SLC38A9: variants seen among roughly 807,000 people sequenced by gnomAD.
SLC38A9 encodes the protein solute carrier family 38 member 9.
A neutral mutation model predicts 62.3 loss-of-function variants in SLC38A9; 48 were observed. The observed-to-expected ratio is 0.77, with a 90% CI of 0.61 to 0.98. The LOEUF (loss-of-function observed/expected upper bound fraction) is 0.98. Among genes scored for constraint, SLC38A9 ranks in the 50% least tolerant of loss-of-function variants. The pLI, the probability that SLC38A9 is intolerant of heterozygous loss-of-function variation, is 0.00. For missense variants in SLC38A9, 541 were observed against 679.8 expected, an observed-to-expected ratio of 0.80 and a Z score of 2.27; for synonymous variants, 204 against 227.7, an observed-to-expected ratio of 0.90 and a Z score of 0.94.
intron 11 of SLC38A9, among the ~76,000 whole-genome samples, chr5:55,648,947 A>G (rs1322147874): frequency 6.6e-6 from 1 of 152,240 alleles, no homozygotes; most frequent in Non-Finnish European, 1.5e-5. Context: ...AAGAAAGGCT[A>G]GATGAAAAAC....
chr5:55,697,619 C>G (rs1352553036), intron 3 of SLC38A9, among the ~76,000 whole-genome samples: 2 of 148,776 alleles, frequency 1.3e-5, no homozygotes, highest in Admixed American at 6.7e-5. Context: ...TAAAGTTACC[C>G]CAACCACTCC....
intron 10 of SLC38A9, among the ~76,000 whole-genome samples, chr5:55,651,151 C>T (rs931109390): frequency 8.7e-5 from 13 of 149,820 alleles, no homozygotes; most frequent in African/African-American, 2.4e-4. Context: ...GAAGTGAAAT[C>T]GTATGGTTTA....
intron 3 of SLC38A9, among the ~76,000 whole-genome samples, chr5:55,678,373 G>C (rs550863624): frequency 5.9e-5 from 9 of 152,052 alleles, no homozygotes; most frequent in Non-Finnish European, 1.2e-4. Context: ...CTGACCTCAG[G>C]TGTGCCACCC....
rs752385378 is a variant in SLC38A9 at position 55,635,529 on chromosome 5, T to C, written c.1281+15A>G. The C allele has an allele frequency of 2.6e-6, 4 of 1,547,692 alleles. No individual in the cohort carries two copies. The highest frequency in any genetic ancestry group is 2.2e-5 in the South Asian group (2 of 89,572). On this transcript the variant is annotated intron_variant, in intron 13 of 15. Transcript: ENST00000396865. ...AGTGTACACAATCACACAGAGAGGG[T>C]ACACGGTGCCTTACCTGCTCAATAC... is the stretch of plus-strand genomic sequence containing the variant.
At chr5:55,671,227 T>C (rs548458056) in intron 4 of SLC38A9, among the ~76,000 whole-genome samples, 1 of 152,214 alleles carries the variant, frequency 6.6e-6, no homozygotes, top group East Asian at 1.9e-4. Context: ...AATAGAGATT[T>C]TTAGAAGATC....
chr5:55,669,305 C>G lies in SLC38A9; in HGVS notation c.449G>C (p.Gly150Ala). ...GCCCATCAGTATGATGACACACATT[C>G]CAGTAGTAAATCCAGCCTGTTTAAA... Reference protein sequence around the residue: ...WGIKQAGFTTGMCVIILMGLL... With the variant: ...WGIKQAGFTTAMCVIILMGLL... The change falls in exon 7 of 16, where the codon GGA becomes GCA. Residue 150 changes from glycine to alanine, a missense_variant. By Grantham distance (60) the Gly-to-Ala change is moderately conservative. Coordinates refer to ENST00000396865, the MANE Select transcript of SLC38A9 (RefSeq NM_173514.4). The G allele has an allele frequency of 6.2e-7, 1 of 1,612,440 alleles. No homozygotes were observed. The highest frequency in any genetic ancestry group is 8.5e-7 in the Non-Finnish European group (1 of 1,179,382).
Position 55,633,753 on chromosome 5 carries a change from C to A in SLC38A9, c.1430+1G>T, listed in dbSNP as rs936047846. Reference sequence around the variant, plus strand: ...CTGCTGGTCAAGAGAAGAGCCCTTACCTAGGATAAATGTCACCGAAGATAT... The same window carrying A: ...CTGCTGGTCAAGAGAAGAGCCCTTAACTAGGATAAATGTCACCGAAGATAT... On this transcript the variant is annotated splice_donor_variant, in intron 14 of 15. Transcript: ENST00000396865. LOFTEE classifies it high-confidence loss of function. 2 of 1,614,084 alleles carry A rather than the reference C, an allele frequency of 1.2e-6. No homozygotes were observed. Among genetic ancestry groups the A allele is most frequent in the Non-Finnish European group, 8.5e-7 (1 of 1,180,004 alleles).
intron 10 of SLC38A9, among the ~76,000 whole-genome samples, 166 bp downstream of exon 10, chr5:55,652,357 CAAAAAA>C (rs60557392): frequency 3.6e-5 from 2 of 56,180 alleles, no homozygotes; most frequent in African/African-American, 6.8e-5. Context: ...AACTCCGTCT[CAAAAAA>C]AAAAAAAAAA....
Position 55,664,790 on chromosome 5 carries a change from C to A in SLC38A9, c.600G>T (p.Ser200=), listed in dbSNP as rs1220459145. 5 of 1,596,432 alleles carry A rather than the reference C, an allele frequency of 3.1e-6. No homozygotes were observed. The highest frequency in any genetic ancestry group is 3.4e-6 in the Non-Finnish European group (4 of 1,172,556). The change falls in exon 8 of 16, where the codon TCG becomes TCT. Residue 200 remains serine (S), a synonymous_variant. Transcript: ENST00000396865. ...RHYFGSFGQW[S]SLLFSLVSLI... ...GAGACACCAAGGAGAAAAGGAGACT[C>A]GACCACTGCCCAAAGGAGCCGAAAT...
chr5:55,649,583 A>C (rs1252393717), intron 10 of SLC38A9, among the ~76,000 whole-genome samples: 1 of 152,324 alleles, frequency 6.6e-6, no homozygotes, highest in Non-Finnish European at 1.5e-5. Flanking sequence ...GCACTTTGGG[A>C]GGCTGAGGTG....
At chr5:55,694,694 C>T (rs1755220452) in intron 3 of SLC38A9, among the ~76,000 whole-genome samples, 1 of 150,730 alleles carries the variant, frequency 6.6e-6, no homozygotes, top group African/African-American at 2.4e-5. Flanking sequence ...CTTTTCCCTT[C>T]CCTTCCCTTC....
In SLC38A9 at chr5:55,644,839, G is replaced by A. The variant is rs1746049304; in HGVS notation, c.1167+950C>T. ...CCATTAACTCATCATTTAGCATTAG[G>A]TATATCTCCTAATGCTATCCCTCCC... On this transcript the variant is annotated intron_variant, in intron 12 of 15. Transcript: ENST00000396865. Among the ~76,000 whole-genome samples the A allele has an allele frequency of 2.6e-5, 4 of 151,918 alleles. No homozygotes were observed. The South Asian group carries it at 6.3e-4, about 24-fold the overall frequency.
rs546505749 is a variant in SLC38A9, at chr5:55,626,756, T to C, written c.1521-97A>G. The C allele has an allele frequency of 2.3e-5, 25 of 1,082,704 alleles. No homozygotes were observed. The East Asian group carries it at 4.6e-4, about 20-fold the overall frequency. 67.1% of individuals were successfully genotyped at this position (1,082,704 alleles called of 1,614,324 possible). On this transcript the variant is annotated intron_variant, in intron 15 of 15. Transcript: ENST00000396865. The stretch of plus-strand genomic sequence containing the variant: ...ACAATTTAAATCCTCCTCAGTCTGA[T>C]AGCTCAACAAAAATTATTTTTGATT...
At chr5:55,627,870 C>T (rs1023224995) in intron 15 of SLC38A9, 21 bp downstream of exon 15, 1 of 1,439,704 alleles carries the variant, frequency 6.9e-7, no homozygotes, top group Non-Finnish European at 9.8e-7. Flanking sequence ...GTAAGGGCAC[C>T]ATTCCCTTAC....
At chr5:55,656,608 A>C in intron 9 of SLC38A9, 107 bp downstream of exon 9, 1 of 757,356 alleles carries the variant, frequency 1.3e-6, no homozygotes, top group East Asian at 2.6e-5. Flanking sequence ...TAAACATAAT[A>C]ATTTTCTACT....
chr5:55,627,395 C>T (rs771877019), intron 15 of SLC38A9, among the ~76,000 whole-genome samples: 4 of 138,066 alleles, frequency 2.9e-5, no homozygotes, highest in African/African-American at 7.6e-5. Flanking sequence ...CATCCTGTCA[C>T]GTTTTTAGGA....
At position 55,711,494 on chromosome 5, in the gene SLC38A9, C is replaced by T. The variant is rs1758038660; in HGVS notation, c.-77G>A. On this transcript the variant is annotated 5_prime_UTR_variant, in exon 2 of 16. Transcript: ENST00000396865. ...TCTCCAACTCGGTGGACCTCAGTTT[C>T]CTTCTCTGTAAAATGAGGAGAATGC... The T allele has an allele frequency of 6.6e-6, 1 of 152,120 alleles. No individual in the cohort carries two copies. Among genetic ancestry groups the T allele is most frequent in the African/African-American group, 2.4e-5 (1 of 41,406 alleles). The allele number at this position is 152,120 out of a possible 1,614,324, so 9.4% of individuals were successfully genotyped here. A position where few individuals can be genotyped will look rare whatever the true frequency, so the allele number is the denominator to read the frequency against.
intron 3 of SLC38A9, among the ~76,000 whole-genome samples, chr5:55,679,600 T>G (rs34715068): frequency 0.6 from 89,982 of 150,768 alleles, 27,340 homozygotes; most frequent in South Asian, 0.7. Flanking sequence ...TTTAGTTTTT[T>G]GTTTTTTTTT....
At chr5:55,670,675 C>G (rs1751161050) in intron 4 of SLC38A9, among the ~76,000 whole-genome samples, 1 of 152,184 alleles carries the variant, frequency 6.6e-6, no homozygotes, top group Non-Finnish European at 1.5e-5. Context: ...CATGCTGACT[C>G]TATTTCCAGG....
Sources: allele counts gnomAD v4.1 joint callset (sites outside exome capture counted in the v4.1 genomes callset), GRCh38; gene constraint gnomAD v4.1.1; transcripts MANE v1.5; gene names NCBI Gene and HGNC (gene_info 2026-07-23, HGNC 2026-07-21).